TMTC1: variants seen among roughly 807,000 people sequenced by gnomAD.
The protein encoded by TMTC1 is transmembrane O-mannosyltransferase targeting cadherins 1.
A neutral mutation model predicts 104.8 loss-of-function variants in TMTC1; 73 were observed. That is an observed-to-expected ratio of 0.70 (90% confidence interval 0.58 to 0.85). The LOEUF (loss-of-function observed/expected upper bound fraction) is 0.85. TMTC1 is among the 40% of genes least tolerant of loss of function. TMTC1 has a pLI of 0.00. For missense variants in TMTC1, 1,035 were observed against 1,096.1 expected, an observed-to-expected ratio of 0.94 and a Z score of 0.79; for synonymous variants, 434 against 428.7, an observed-to-expected ratio of 1.01 and a Z score of -0.15.
At chr12:29,527,518 A>C (rs1443176026) in intron 11 of TMTC1, among the ~76,000 whole-genome samples, 2 of 152,246 alleles carry the variant, frequency 1.3e-5, no homozygotes, top group African/African-American at 4.8e-5. Flanking sequence ...GCCCAAGGGC[A>C]TTGGTCACTA....
At chr12:29,617,787 G>A (rs1947026520) in intron 6 of TMTC1, among the ~76,000 whole-genome samples, 1 of 152,164 alleles carries the variant, frequency 6.6e-6, no homozygotes, top group Non-Finnish European at 1.5e-5. Flanking sequence ...ATGAGTTCAG[G>A]AAGTAGCAAG....
intron 10 of TMTC1, among the ~76,000 whole-genome samples, chr12:29,545,262 A>G (rs1292845387): frequency 6.6e-6 from 1 of 152,148 alleles, no homozygotes; most frequent in Non-Finnish European, 1.5e-5. Context: ...CAGTTAAAAG[A>G]CCAGAAACCT....
intron 5 of TMTC1, among the ~76,000 whole-genome samples, chr12:29,742,189 T>C (rs1372336069): frequency 6.6e-6 from 1 of 152,224 alleles, no homozygotes; most frequent in African/African-American, 2.4e-5. Flanking sequence ...ACCTAGAGCA[T>C]GTCTAGCTCT....
At chr12:29,757,860 G>A (rs1264785141) in intron 3 of TMTC1, among the ~76,000 whole-genome samples, 24 of 152,040 alleles carry the variant, frequency 1.6e-4, no homozygotes, top group African/African-American at 3.9e-4. Flanking sequence ...ATCAGATCTC[G>A]TGAGACTTAT....
At chr12:29,567,284 G>T (rs1945542490) in intron 9 of TMTC1, among the ~76,000 whole-genome samples, 1 of 152,110 alleles carries the variant, frequency 6.6e-6, no homozygotes, top group African/African-American at 2.4e-5. Context: ...TTTTTAAAAT[G>T]AAAAAGTGGT....
chr12:29,606,738 GC>G (rs1946708869), intron 6 of TMTC1, among the ~76,000 whole-genome samples: 1 of 152,212 alleles, frequency 6.6e-6, no homozygotes, highest in East Asian at 1.9e-4. Flanking sequence ...CCACCCCACG[GC>G]CCCTCATCAA....
At chr12:29,660,777 T>TAC (rs1939983245) in intron 5 of TMTC1, 4 of 212,778 alleles carry the variant, frequency 1.9e-5, no homozygotes, top group African/African-American at 3.0e-5. Flanking sequence ...ATTTCAAAAG[T>TAC]ATATATATAT....
chr12:29,518,168 A>G (rs1353906131), intron 13 of TMTC1, among the ~76,000 whole-genome samples: 1 of 152,134 alleles, frequency 6.6e-6, no homozygotes, highest in Non-Finnish European at 1.5e-5. Context: ...ATGTATCCTC[A>G]TTTTTTAAAT....
chr12:29,547,509 A>G (rs530286930), intron 10 of TMTC1, among the ~76,000 whole-genome samples: 2 of 152,258 alleles, frequency 1.3e-5, no homozygotes, highest in Non-Finnish European at 2.9e-5. Context: ...GTTATTTCCC[A>G]GTAACTTAAT....
intron 4 of TMTC1, among the ~76,000 whole-genome samples, chr12:29,754,027 C>T (rs1211674128): frequency 6.6e-6 from 1 of 152,086 alleles, no homozygotes; most frequent in Admixed American, 6.6e-5. Flanking sequence ...CCACCATGCC[C>T]AGCTAATTTT....
At chr12:29,678,261 G>A (rs760674738) in intron 5 of TMTC1, among the ~76,000 whole-genome samples, 2 of 152,112 alleles carry the variant, frequency 1.3e-5, no homozygotes, top group Non-Finnish European at 2.9e-5. Flanking sequence ...GCTGCTATAC[G>A]GTGGCTGAGA....
At chr12:29,660,267 C>G (rs1055436437) in intron 5 of TMTC1, among the ~76,000 whole-genome samples, 6 of 152,320 alleles carry the variant, frequency 3.9e-5, no homozygotes, top group African/African-American at 1.4e-4. Context: ...AAAGAACTAA[C>G]AGGGAGAGGC....
At chr12:29,510,273 G>C (rs1583533) in intron 17 of TMTC1, among the ~76,000 whole-genome samples, 28,332 of 151,960 alleles carry the variant, frequency 0.19, 2,877 homozygotes, top group East Asian at 0.44. Flanking sequence ...TAGACATACT[G>C]AAACACAAAA....
intron 5 of TMTC1, among the ~76,000 whole-genome samples, chr12:29,647,580 A>C (rs1375354786): frequency 6.6e-6 from 1 of 152,204 alleles, no homozygotes; most frequent in Non-Finnish European, 1.5e-5. Flanking sequence ...CATCAACCGA[A>C]ATGGAAAGAT....
At chr12:29,775,141 A>G (rs934433590) in intron 1 of TMTC1, among the ~76,000 whole-genome samples, 1 of 152,180 alleles carries the variant, frequency 6.6e-6, no homozygotes, top group African/African-American at 2.4e-5. Flanking sequence ...AAATCCTCAA[A>G]AAGAGAGCCA....
chr12:29,612,417 AT>A (rs1230793606), intron 6 of TMTC1, among the ~76,000 whole-genome samples: 1 of 151,552 alleles, frequency 6.6e-6, no homozygotes, highest in Admixed American at 6.6e-5. Context: ...TTAAAAAAAA[AT>A]TTTTTTTTGA....
chr12:29,702,421 T>C (rs560010368), intron 5 of TMTC1, among the ~76,000 whole-genome samples: 3 of 152,184 alleles, frequency 2.0e-5, no homozygotes, highest in Non-Finnish European at 4.4e-5. Flanking sequence ...CTTGAGGTGG[T>C]TGGACTTGGG....
At chr12:29,566,440 C>T (rs1945518610) in intron 9 of TMTC1, among the ~76,000 whole-genome samples, 1 of 152,142 alleles carries the variant, frequency 6.6e-6, no homozygotes, top group South Asian at 2.1e-4. Flanking sequence ...TTCTGAGCTC[C>T]AGATTGCTGT....
intron 5 of TMTC1, among the ~76,000 whole-genome samples, chr12:29,634,669 A>G (rs987783760): frequency 6.6e-6 from 1 of 152,246 alleles, no homozygotes; most frequent in African/African-American, 2.4e-5. Flanking sequence ...GTCCTCAAGG[A>G]ATGTATAATC....
Sources: allele counts gnomAD v4.1 joint callset (sites outside exome capture counted in the v4.1 genomes callset), GRCh38; gene constraint gnomAD v4.1.1; transcripts MANE v1.5; gene names NCBI Gene and HGNC (gene_info 2026-07-23, HGNC 2026-07-21).